Variants in ATAD2 observed in about 807,000 individuals in gnomAD.
ATAD2 encodes ATPase family AAA domain-containing protein 2.
In ATAD2, 62 loss-of-function variants were observed where a neutral mutation model predicts 168.9. The ratio of observed to expected loss-of-function variants is 0.37; its 90% CI spans 0.30 to 0.45. The LOEUF is 0.45. Ranked by LOEUF, ATAD2 falls within the 20% of genes least tolerant of loss-of-function variation. ATAD2 has a pLI of 1.00. For synonymous variants in ATAD2, 613 were observed against 571.6 expected (o/e 1.07, Z -1.03); for missense variants, 1,419 against 1,667.8 (o/e 0.85, Z 2.60).
chr8:123,335,693 T>C (rs1226245943), intron 22 of ATAD2, among the ~76,000 whole-genome samples: 1 of 152,166 alleles, frequency 6.6e-6, no homozygotes, highest in Non-Finnish European at 1.5e-5. Flanking sequence ...TTTTTAAAAA[T>C]TTGTAAAAAT....
intron 1 of ATAD2, among the ~76,000 whole-genome samples, chr8:123,410,509 A>G (rs890299190): frequency 6.6e-6 from 1 of 150,380 alleles, no homozygotes; most frequent in East Asian, 2.0e-4. Context: ...CTGGTCTCAC[A>G]CTCCTGACGT....
Position 123,359,320 on chromosome 8 carries a change from A to G in ATAD2, c.1283T>C (p.Val428Ala). 3 of 1,607,674 alleles carry G rather than the reference A, an allele frequency of 1.9e-6. No individual in the cohort carries two copies. Among genetic ancestry groups the G allele is most frequent in the Non-Finnish European group, 2.5e-6 (3 of 1,177,326 alleles). ...QLDSSVRFDSVGGLSNHIAAL... is the reference protein window; with the variant it reads ...QLDSSVRFDSAGGLSNHIAAL... ...TGCTATATGATTAGACAGGCCACCA[A>G]CACTATCAAATCGTACCTGGTAATG... Residue 428 changes from valine (V) to alanine (A), a missense_variant, in exon 11 of 28, where the codon GTT becomes GCT. Val to Ala is a moderately conservative substitution (Grantham distance 64, BLOSUM62 0). Around this residue, in one of 5 missense-constraint regions of ATAD2, gnomAD observed 146 missense variants for 188.3 expected, o/e 0.78. Coordinates refer to ENST00000287394, the MANE Select transcript of ATAD2 (RefSeq NM_014109.4).
Position 123,369,922 on chromosome 8 carries a change from T to A in ATAD2, c.830A>T (p.Asp277Val), listed in dbSNP as rs947228241. 1.3e-5 allele frequency: 20 copies of A among 1,547,348 alleles called. No individual in the cohort carries two copies. Among genetic ancestry groups the A allele is most frequent in the Non-Finnish European group, 1.7e-5 (19 of 1,133,356 alleles). ...DDDDDDDDDD[D>V]EDDEDEEDGE... The stretch of plus-strand genomic sequence containing the variant: ...ATCTTCTTCATCTTCATCATCTTCA[T>A]CATCATCATCATCATCATCATCGTC... The change falls in exon 7 of 28, where the codon GAT becomes GTT. Residue 277 changes from aspartate (D) to valine (V), a missense_variant. Coordinates refer to ENST00000287394, the MANE Select transcript of ATAD2 (RefSeq NM_014109.4).
rs905803561 is a variant in ATAD2 at position 123,395,698 on chromosome 8, A to G, written c.171+489T>C. ...ATTATTCACTGCGCTGTTATTACGGAACTCCTCTGGATCGTTAATGGAGGT... is the reference window on the plus strand; with the variant it reads ...ATTATTCACTGCGCTGTTATTACGGGACTCCTCTGGATCGTTAATGGAGGT... On this transcript the variant is annotated intron_variant, in intron 1 of 27. Transcript: ENST00000287394. Among the ~76,000 whole-genome samples the G allele has an allele frequency of 1.7e-4, 26 of 152,254 alleles. 1 individual carries two copies. Among genetic ancestry groups the G allele is most frequent in the African/African-American group, 6.3e-4 (26 of 41,562 alleles).
At chr8:123,357,210 G>C (rs1387522933) in intron 12 of ATAD2, among the ~76,000 whole-genome samples, 1 of 152,054 alleles carries the variant, frequency 6.6e-6, no homozygotes, top group East Asian at 1.9e-4. Context: ...ATACAATCTG[G>C]GATATGAAAA....
intron 8 of ATAD2, among the ~76,000 whole-genome samples, chr8:123,362,038 G>T (rs1828841783): frequency 6.6e-6 from 1 of 152,186 alleles, no homozygotes; most frequent in Admixed American, 6.5e-5. Flanking sequence ...CGAGGGGGAA[G>T]GATCACTTGA....
intron 1 of ATAD2, among the ~76,000 whole-genome samples, chr8:123,413,401 T>C (rs1299550806): frequency 6.6e-6 from 1 of 152,200 alleles, no homozygotes; most frequent in Non-Finnish European, 1.5e-5. Flanking sequence ...TGACAGTACC[T>C]ATGTTCTGCC....
At chr8:123,401,933 G>A in intron 1 of ATAD2, 1 of 793,320 alleles carries the variant, frequency 1.3e-6, no homozygotes, top group Non-Finnish European at 2.3e-6. Context: ...TCAGAAGTTT[G>A]TGCCCTACCT....
At chr8:123,399,129 G>C (rs1414094860), upstream of ATAD2, among the ~76,000 whole-genome samples, 2 of 152,066 alleles carry the variant, frequency 1.3e-5, no homozygotes, top group Non-Finnish European at 1.5e-5. Context: ...GGGCGTGGTG[G>C]TGCACGCCTG....
intron 1 of ATAD2, among the ~76,000 whole-genome samples, chr8:123,382,955 T>C (rs1829533054): frequency 6.6e-6 from 1 of 152,158 alleles, no homozygotes; most frequent in Non-Finnish European, 1.5e-5. Flanking sequence ...CAAATGCCCA[T>C]CAATGATAGA....
chr8:123,334,808 A>G (rs951351089), intron 22 of ATAD2, among the ~76,000 whole-genome samples: 3 of 152,218 alleles, frequency 2.0e-5, no homozygotes, highest in African/African-American at 7.2e-5. Flanking sequence ...ACAAACTGGA[A>G]TATGATTTGA....
At chr8:123,382,341 C>T (rs968099456) in intron 1 of ATAD2, among the ~76,000 whole-genome samples, 1 of 152,104 alleles carries the variant, frequency 6.6e-6, no homozygotes, top group African/African-American at 2.4e-5. Context: ...ACAGGTACTT[C>T]AAAAATATTA....
At chr8:123,348,918 T>C (rs536613743) in intron 14 of ATAD2, among the ~76,000 whole-genome samples, 88 of 152,278 alleles carry the variant, frequency 5.8e-4, no homozygotes, top group African/African-American at 2.1e-3. Context: ...CATATTTTCC[T>C]CTTTGGTTCC....
rs1203736886 is a variant in ATAD2 at position 123,357,460 on chromosome 8, GGTTT to G, written c.1557+98_1557+101del. On this transcript the variant is annotated intron_variant, in intron 12 of 27. Coordinates refer to ENST00000287394, the MANE Select transcript of ATAD2 (RefSeq NM_014109.4). ...AGAAAGAAATAGTCTAATTCTTCTG[GGTTT>G]ATTTAGAACACTGATTAAATGTAAG... The G allele has an allele frequency of 1.1e-5, 12 of 1,111,838 alleles. No individual in the cohort carries two copies. In the South Asian group the frequency reaches 2.6e-4, roughly 24 times the overall value. 68.9% of individuals were successfully genotyped at this position (1,111,838 alleles called of 1,614,324 possible).
Position 123,396,235 on chromosome 8 carries a change from C to G in ATAD2, c.123G>C (p.Ser41=), listed in dbSNP as rs778890197. 2 of 1,604,260 alleles carry G rather than the reference C, an allele frequency of 1.2e-6. No individual in the cohort carries two copies. Among genetic ancestry groups the G allele is most frequent in the South Asian group, 1.1e-5 (1 of 90,364 alleles). The change falls in exon 1 of 28, where the codon TCG becomes TCC. Residue 41 remains serine, a synonymous_variant. Transcript: ENST00000287394. ...LEHIGRRRLR[S]AGAAQKKPAA... ...CGGGTTTCTTCTGCGCCGCGCCGGC[C>G]GAGCGGAGCCGCCTCCGGCCGATGT...
At chr8:123,394,426 C>T (rs1326751571) in intron 1 of ATAD2, among the ~76,000 whole-genome samples, 2 of 152,016 alleles carry the variant, frequency 1.3e-5, no homozygotes, top group Non-Finnish European at 2.9e-5. Context: ...GGTCGGAGTT[C>T]GAGACCAGCC....
At chr8:123,330,143 C>T (rs750835063) in intron 24 of ATAD2, among the ~76,000 whole-genome samples, 11 of 151,828 alleles carry the variant, frequency 7.2e-5, no homozygotes, top group Admixed American at 3.3e-4. Context: ...TGTGTGCCAC[C>T]ATGCCTGGCC....
At chr8:123,396,509 T>G, upstream of ATAD2, 1 of 748,376 alleles carries the variant, frequency 1.3e-6, no homozygotes, top group Non-Finnish European at 2.1e-6. Flanking sequence ...CCGCCGTCTG[T>G]CCCGCCCACG....
At chr8:123,345,652 A>G (rs1215575552) in intron 18 of ATAD2, among the ~76,000 whole-genome samples, 1 of 152,206 alleles carries the variant, frequency 6.6e-6, no homozygotes, top group Non-Finnish European at 1.5e-5. Flanking sequence ...ACTGCACTCC[A>G]GCCTGGTGAC....
Sources: gnomAD v4.1 joint callset for allele counts (sites outside exome capture counted in the v4.1 genomes callset) on GRCh38, gnomAD v4.1.1 for gene constraint, gnomAD v4.1.1 regional missense constraint, MANE v1.5 for transcripts, NCBI Gene and HGNC (gene_info 2026-07-23, HGNC 2026-07-21) for gene names.